Variants in RUSC2 observed in about 807,000 individuals in gnomAD.
RUSC2 encodes the protein RUN and SH3 domain containing 2.
In RUSC2, 34 loss-of-function variants were observed where a neutral mutation model predicts 122.2. The observed-to-expected ratio is 0.28, with a 90% CI of 0.21 to 0.37. RUSC2 has a LOEUF of 0.37. Among genes scored for constraint, RUSC2 ranks in the 10% least tolerant of loss-of-function variants. The pLI is 1.00. For missense variants in RUSC2, 1,747 were observed against 1,952.4 expected, an observed-to-expected ratio of 0.89 and a Z score of 1.98; for synonymous variants, 784 against 790.0, an observed-to-expected ratio of 0.99 and a Z score of 0.13.
At chr9:35,559,374 G>C in intron 9 of RUSC2, 102 bp downstream of exon 9, 1 of 973,162 alleles carries the variant, frequency 1.0e-6, no homozygotes, top group Non-Finnish European at 1.6e-6. Context: ...TGGGGAGGGG[G>C]ACCACACAAG....
chr9:35,558,529 T>C lies in RUSC2; in HGVS notation c.3303T>C (p.His1101=). 1 of 1,614,142 alleles carries C rather than the reference T, an allele frequency of 6.2e-7. No homozygotes were observed. Among genetic ancestry groups the C allele is most frequent in the Non-Finnish European group, 8.5e-7 (1 of 1,180,020 alleles). ...KVSQFPELTS[H]TMRFNAFILG... ...GCCAATTCCCAGAGCTCACCAGTCATACCATGCGCTTCAACGCCTTCATCC... is the reference window on the plus strand; with the variant it reads ...GCCAATTCCCAGAGCTCACCAGTCACACCATGCGCTTCAACGCCTTCATCC... Residue 1101 remains histidine, a synonymous_variant, in exon 8 of 12, where the codon CAT becomes CAC. Transcript: ENST00000361226. This position sits in a 1 kb window ranked among gnomAD's most constrained non-coding sequence, Gnocchi z 4.3.
intron 2 of RUSC2, among the ~76,000 whole-genome samples, chr9:35,550,834 G>A (rs944647966): frequency 1.3e-5 from 2 of 151,744 alleles, no homozygotes; most frequent in African/African-American, 4.8e-5. Context: ...CTAGCACTTC[G>A]GGAGGCCGAG....
At chr9:35,540,373 A>C (rs1295917717) in intron 1 of RUSC2, among the ~76,000 whole-genome samples, 1 of 152,240 alleles carries the variant, frequency 6.6e-6, no homozygotes, top group East Asian at 1.9e-4. Flanking sequence ...TCTGTAAAAA[A>C]TAATTGTAAA....
intron 1 of RUSC2, among the ~76,000 whole-genome samples, chr9:35,508,745 C>T (rs778602357): frequency 1.3e-5 from 2 of 152,172 alleles, no homozygotes; most frequent in Non-Finnish European, 2.9e-5. Context: ...CTAAAATCAA[C>T]CTATAGCGAA....
intron 1 of RUSC2, among the ~76,000 whole-genome samples, chr9:35,511,191 CAT>C (rs1402358885): frequency 6.6e-6 from 1 of 152,156 alleles, no homozygotes; most frequent in East Asian, 1.9e-4. Flanking sequence ...ACTTTTGAAA[CAT>C]ATCCTGCATT....
intron 1 of RUSC2, among the ~76,000 whole-genome samples, chr9:35,509,087 C>T (rs1564246304): frequency 1.3e-5 from 2 of 152,086 alleles, no homozygotes; most frequent in Non-Finnish European, 2.9e-5. Context: ...CAGTGGCTCT[C>T]ACCTATAATC....
intron 1 of RUSC2, among the ~76,000 whole-genome samples, chr9:35,497,330 T>C (rs1820738198): frequency 6.6e-6 from 1 of 152,216 alleles, no homozygotes; most frequent in Non-Finnish European, 1.5e-5. Context: ...CTTACTGATA[T>C]GACCCCATTT....
chr9:35,560,091 G>T lies in RUSC2; in HGVS notation c.3451G>T (p.Gly1151Cys). ...GAGTGCAGCTCATACCGTGTGTCCC[G>T]GCCTCTTTGAAGAGCTGCTGCTGCT... ...FLSAAHTVCP[G>C]LFEELLLLLQ... The change falls in exon 10 of 12, where the codon GGC becomes TGC. Residue 1151 changes from glycine to cysteine, a missense_variant. By Grantham distance (159) the Gly-to-Cys change is radical. Transcript: ENST00000361226. The T allele has an allele frequency of 6.2e-7, 1 of 1,613,722 alleles. No individual in the cohort carries two copies. The highest frequency in any genetic ancestry group is 2.2e-5 in the East Asian group (1 of 44,882).
rs770766752 is a variant in RUSC2 at position 35,561,254 on chromosome 9, C to T, written c.4423C>T (p.Arg1475Ter). 8.7e-6 allele frequency: 14 copies of T among 1,614,198 alleles called. No individual in the cohort carries two copies. The highest frequency in any genetic ancestry group is 2.2e-5 in the South Asian group (2 of 91,090). Reference protein sequence around the residue: ...QLSFHKGDILRVLGRAGGDWL... With the variant: ...QLSFHKGDIL ...GAGCTTCCACAAAGGAGACATCCTA[C>T]GAGTGCTGGGGCGAGCTGGAGGAGA... Residue 1475 changes from arginine (R) to a stop codon, truncating the protein, a stop_gained, in exon 12 of 12, where the codon CGA becomes TGA. Transcript: ENST00000361226. LOFTEE classifies it high-confidence loss of function.
At chr9:35,514,557 A>G (rs1404472931) in intron 1 of RUSC2, among the ~76,000 whole-genome samples, 3 of 152,236 alleles carry the variant, frequency 2.0e-5, no homozygotes, top group Non-Finnish European at 2.9e-5. Flanking sequence ...AGGAACTTAG[A>G]TAAGTGATAA....
At chr9:35,506,548 C>T (rs1820920114) in intron 1 of RUSC2, among the ~76,000 whole-genome samples, 1 of 152,188 alleles carries the variant, frequency 6.6e-6, no homozygotes, top group South Asian at 2.1e-4. Flanking sequence ...TTTGAACTGA[C>T]ATTAAGCCTA....
intron 1 of RUSC2, among the ~76,000 whole-genome samples, chr9:35,496,503 TC>T: frequency 6.6e-6 from 1 of 152,172 alleles, no homozygotes; most frequent in Non-Finnish European, 1.5e-5. Flanking sequence ...CATCTGCCCC[TC>T]CTGCTGAAGG....
chr9:35,561,438 C>CGAGA lies in RUSC2; in HGVS notation c.*58_*61dup. On this transcript the variant is annotated 3_prime_UTR_variant, in exon 12 of 12. Coordinates refer to ENST00000361226, the MANE Select transcript of RUSC2 (RefSeq NM_014806.5). The stretch of plus-strand genomic sequence containing the variant: ...CCTCATAACCCCCAGACTCAGAGCC[C>CGAGA]GAGAGCCCTTCCCAAGCCATTGGCT... 6.9e-7 allele frequency: 1 copy of CGAGA among 1,448,968 alleles called. No homozygotes were observed. Among genetic ancestry groups the CGAGA allele is most frequent in the Admixed American group, 2.1e-5 (1 of 47,568 alleles). The allele number at this position is 1,448,968 out of a possible 1,614,324, so 89.8% of individuals were successfully genotyped here.
Position 35,555,821 on chromosome 9 carries a change from C to A in RUSC2, c.2656+120C>A. ...GCCAGAGGTTAGGATGTCTGCATCC[C>A]TCCCTCAGCATCTGTAGATAATATC... On this transcript the variant is annotated intron_variant, in intron 3 of 11. Coordinates refer to ENST00000361226, the MANE Select transcript of RUSC2 (RefSeq NM_014806.5). This position sits in a 1 kb window ranked among gnomAD's most constrained non-coding sequence, Gnocchi z 4.6. The A allele has an allele frequency of 6.9e-7, 1 of 1,458,198 alleles. No homozygotes were observed. 90.3% of individuals were successfully genotyped at this position (1,458,198 alleles called of 1,614,324 possible).
rs149371934 is a variant in RUSC2 at position 35,547,793 on chromosome 9, C to T, written c.1272C>T (p.His424=). ...CCATCACTAGCTGCTCTGAGGAACACACCAAGATAAGTCCCCCACCAGGCC... is the reference window on the plus strand; with the variant it reads ...CCATCACTAGCTGCTCTGAGGAACATACCAAGATAAGTCCCCCACCAGGCC... ...GSSITSCSEE[H]TKISPPPGPG... The change falls in exon 2 of 12, where the codon CAC becomes CAT. Residue 424 remains histidine (H), a synonymous_variant. Coordinates refer to ENST00000361226, the MANE Select transcript of RUSC2 (RefSeq NM_014806.5). This position sits in a 1 kb window ranked among gnomAD's most constrained non-coding sequence, Gnocchi z 4.6. 735 of 1,614,170 alleles carry T rather than the reference C, an allele frequency of 4.6e-4. 3 individuals are homozygous for T. The African/African-American group carries it at 8.7e-3, about 19-fold the overall frequency.
Position 35,561,164 on chromosome 9 carries a change from A to G in RUSC2, c.4350-17A>G, listed in dbSNP as rs1407723461. On this transcript the variant is annotated splice_polypyrimidine_tract_variant and intron_variant, in intron 11 of 11. Coordinates refer to ENST00000361226, the MANE Select transcript of RUSC2 (RefSeq NM_014806.5). ...TTTTGAGGGGGTTTCTCTGACCTCCATGTGCTGTTTCCCCAGTGAGGTGCA... is the reference window on the plus strand; with the variant it reads ...TTTTGAGGGGGTTTCTCTGACCTCCGTGTGCTGTTTCCCCAGTGAGGTGCA... 5 of 1,613,684 alleles carry G rather than the reference A, an allele frequency of 3.1e-6. No individual in the cohort carries two copies. The highest frequency in any genetic ancestry group is 3.4e-6 in the Non-Finnish European group (4 of 1,179,872).
chr9:35,539,328 TGGG>T (rs1821596020), intron 1 of RUSC2, among the ~76,000 whole-genome samples: 1 of 152,178 alleles, frequency 6.6e-6, no homozygotes, highest in South Asian at 2.1e-4. Flanking sequence ...AGCCAAGGCT[TGGG>T]CTAATGCCAT....
intron 1 of RUSC2, chr9:35,538,557 G>T (rs1821575490): frequency 6.6e-6 from 1 of 152,514 alleles, no homozygotes; most frequent in Non-Finnish European, 1.5e-5. Context: ...AGGAGGGAGA[G>T]GTTTCTGGTT....
In RUSC2 at chr9:35,558,617, ACCC is replaced by A; in HGVS notation, c.3341+53_3341+55del. On this transcript the variant is annotated intron_variant, in intron 8 of 11. Transcript: ENST00000361226. The surrounding 1 kb of genome is among the most constrained non-coding windows in gnomAD (Gnocchi z 4.3). ...CCCTAAACAACTTGCCCTGCCCCCC[ACCC>A]CCGGGCTCTGCCTGCACCAAGGAAA... is the stretch of plus-strand genomic sequence containing the variant. 1 of 1,444,760 alleles carries A rather than the reference ACCC, an allele frequency of 6.9e-7. No individual in the cohort carries two copies. The highest frequency in any genetic ancestry group is 9.7e-7 in the Non-Finnish European group (1 of 1,027,790). 89.5% of individuals were successfully genotyped at this position (1,444,760 alleles called of 1,614,324 possible).
Sources: allele counts gnomAD v4.1 joint callset (sites outside exome capture counted in the v4.1 genomes callset), GRCh38; gene constraint gnomAD v4.1.1; non-coding constraint Gnocchi (gnomAD v3.1); transcripts MANE v1.5; gene names NCBI Gene and HGNC (gene_info 2026-07-23, HGNC 2026-07-21).